Variants in CACNA1E observed in about 807,000 individuals in gnomAD.
The protein encoded by CACNA1E is voltage-dependent R-type calcium channel subunit alpha-1E.
In CACNA1E, 40 loss-of-function variants were observed where a neutral mutation model predicts 259.2. The observed-to-expected ratio is 0.15, with a 90% confidence interval of 0.12 to 0.20. CACNA1E has a LOEUF of 0.20. CACNA1E is among the 10% of genes least tolerant of loss of function. The pLI is 1.00. For missense variants in CACNA1E, 1,874 were observed against 3,040.1 expected, an observed-to-expected ratio of 0.62 and a Z score of 9.02; for synonymous variants, 1,104 against 1,138.5, an observed-to-expected ratio of 0.97 and a Z score of 0.61.
chr1:181,693,384 G>A (rs1651393032), intron 7 of CACNA1E, among the ~76,000 whole-genome samples: 2 of 151,970 alleles, frequency 1.3e-5, no homozygotes, highest in South Asian at 2.1e-4. Flanking sequence ...ATTTACAACA[G>A]CAAAGACATG....
chr1:181,729,657 CAT>C (rs1655282988), intron 18 of CACNA1E, among the ~76,000 whole-genome samples: 2 of 152,172 alleles, frequency 1.3e-5, no homozygotes, highest in South Asian at 4.1e-4. Context: ...AGGTCTCATT[CAT>C]ATGAGTTGGA....
At chr1:181,705,211 A>C (rs1652674602) in intron 7 of CACNA1E, among the ~76,000 whole-genome samples, 1 of 152,226 alleles carries the variant, frequency 6.6e-6, no homozygotes, top group African/African-American at 2.4e-5. Flanking sequence ...ATGATTTCAA[A>C]GAAGTCTCTG....
At chr1:181,585,021 T>A (rs2332357) in intron 6 of CACNA1E, among the ~76,000 whole-genome samples, 3 of 120,418 alleles carry the variant, frequency 2.5e-5, no homozygotes, top group African/African-American at 6.1e-5. Flanking sequence ...TCCCCCCCCC[T>A]GCCTCAAACA....
chr1:181,410,455 A>G (rs1433122970), intron 1 of CACNA1E, among the ~76,000 whole-genome samples: 2 of 152,196 alleles, frequency 1.3e-5, no homozygotes, highest in Non-Finnish European at 2.9e-5. Flanking sequence ...AGGGCAAGGA[A>G]GACCAGTCCA....
rs1655566347 is a variant in CACNA1E, at chr1:181,732,344, T to C, written c.2298-40T>C. 1 of 1,471,082 alleles carries C rather than the reference T, an allele frequency of 6.8e-7. No individual in the cohort carries two copies. Among genetic ancestry groups the C allele is most frequent in the Non-Finnish European group, 9.0e-7 (1 of 1,111,232 alleles). The allele number at this position is 1,471,082 out of a possible 1,614,324, so 91.1% of individuals were successfully genotyped here. On this transcript the variant is annotated intron_variant, in intron 19 of 47. Transcript: ENST00000367573. The surrounding 1 kb of genome is among the most constrained non-coding windows in gnomAD (Gnocchi z 5.5). Reference sequence around the variant, plus strand: ...GTGGCCACCCTCCCTGCCTGCAGCTTCTGGGCTCTGACCGCGGCCCTGCCC... The same window carrying C: ...GTGGCCACCCTCCCTGCCTGCAGCTCCTGGGCTCTGACCGCGGCCCTGCCC...
At chr1:181,601,445 C>T (rs1270893263) in intron 6 of CACNA1E, among the ~76,000 whole-genome samples, 1 of 152,158 alleles carries the variant, frequency 6.6e-6, no homozygotes, top group East Asian at 1.9e-4. Context: ...CTCTCTCCCA[C>T]CTGGTCCTCA....
chr1:181,517,795 T>G (rs1666703623), intron 3 of CACNA1E, among the ~76,000 whole-genome samples: 1 of 152,090 alleles, frequency 6.6e-6, no homozygotes, highest in African/African-American at 2.4e-5. Context: ...TTAGAGGGTT[T>G]TCTGTAAAGA....
At chr1:181,532,856 C>G (rs1278561600) in intron 3 of CACNA1E, among the ~76,000 whole-genome samples, 1 of 152,200 alleles carries the variant, frequency 6.6e-6, no homozygotes, top group Non-Finnish European at 1.5e-5. Context: ...TTGTCTATCT[C>G]CTTTACTGGA....
exon 2 of CACNA1E, chr1:181,413,138 T>A (rs1657988136): frequency 6.6e-6 from 1 of 151,792 alleles, no homozygotes; most frequent in African/African-American, 2.4e-5. Flanking sequence ...CACAGAGCAA[T>A]GTTCTGTGAT....
chr1:181,620,648 G>A (rs1655640400), intron 6 of CACNA1E, among the ~76,000 whole-genome samples: 1 of 152,194 alleles, frequency 6.6e-6, no homozygotes, highest in Admixed American at 6.5e-5. Context: ...TAGAAGACTT[G>A]GAGAGTTCCC....
intron 2 of CACNA1E, among the ~76,000 whole-genome samples, chr1:181,435,808 G>A (rs932300072): frequency 6.6e-6 from 1 of 152,158 alleles, no homozygotes; most frequent in Non-Finnish European, 1.5e-5. Flanking sequence ...TATTTCTGGA[G>A]TTGAGGTATA....
Position 181,798,687 on chromosome 1 carries a change from C to T in CACNA1E, c.6795C>T (p.Thr2265=). Residue 2265 remains threonine (T), a synonymous_variant, in exon 48 of 48, where the codon ACC becomes ACT. Coordinates refer to ENST00000367573, the MANE Select transcript of CACNA1E (RefSeq NM_001205293.3). This position sits in a 1 kb window ranked among gnomAD's most constrained non-coding sequence, Gnocchi z 4.2. ...AVATSLGRSN[T]IGSAPPLRHS... Reference sequence around the variant, plus strand: ...CTACTAGCCTGGGCCGTTCCAACACCATCGGCTCAGCCCCACCCCTGCGGC... The same window carrying T: ...CTACTAGCCTGGGCCGTTCCAACACTATCGGCTCAGCCCCACCCCTGCGGC... 1.2e-6 allele frequency: 2 copies of T among 1,609,374 alleles called. No individual in the cohort carries two copies. The highest frequency in any genetic ancestry group is 1.7e-6 in the Non-Finnish European group (2 of 1,177,008).
intron 25 of CACNA1E, among the ~76,000 whole-genome samples, chr1:181,741,793 G>A (rs898414870): frequency 3.9e-5 from 6 of 152,188 alleles, no homozygotes; most frequent in African/African-American, 1.4e-4. Flanking sequence ...GGCAGGGGAA[G>A]CCTTAACGGC....
intron 3 of CACNA1E, among the ~76,000 whole-genome samples, 183 bp from the exon 4 acceptor site, chr1:181,577,583 A>T (rs901343751): frequency 2.6e-5 from 4 of 152,192 alleles, no homozygotes; most frequent in Non-Finnish European, 5.9e-5. Context: ...TAAAACCCAG[A>T]TGGCTAAATT....
Position 181,796,821 on chromosome 1 carries a change from C to T in CACNA1E, c.6362C>T (p.Ser2121Leu). ...WESPERRQSR[S>L]PSEGRSQTPN... ...TCCCCAGAGCGCCGTCAATCCAGGT[C>T]ACCCAGTGAGGGCAGGTCACAGACG... Residue 2121 changes from serine (S) to leucine (L), a missense_variant, in exon 47 of 48, where the codon TCA (serine) becomes TTA (leucine). By Grantham distance (145) the Ser-to-Leu change is moderately radical (BLOSUM62 -2). This residue lies in a region of CACNA1E where 542 missense variants were observed against 587.2 expected (regional missense o/e 0.92). Coordinates refer to ENST00000367573, the MANE Select transcript of CACNA1E (RefSeq NM_001205293.3). 6.2e-7 allele frequency: 1 copy of T among 1,608,368 alleles called. No homozygotes were observed. Among genetic ancestry groups the T allele is most frequent in the Non-Finnish European group, 8.5e-7 (1 of 1,177,434 alleles).
At chr1:181,703,732 G>A (rs1652507010) in intron 7 of CACNA1E, among the ~76,000 whole-genome samples, 2 of 152,186 alleles carry the variant, frequency 1.3e-5, no homozygotes, top group Non-Finnish European at 2.9e-5. Flanking sequence ...CTCTAGGTCT[G>A]CCGCCACCGC....
intron 6 of CACNA1E, among the ~76,000 whole-genome samples, chr1:181,615,600 A>C (rs553715843): frequency 3.5e-4 from 53 of 152,334 alleles, no homozygotes; most frequent in African/African-American, 1.2e-3. Flanking sequence ...ATTTAGCCAT[A>C]TTCAGCTATC....
In CACNA1E at chr1:181,560,238, G is replaced by GT. The variant is rs201074270; in HGVS notation, c.513-17519dup. Reference sequence around the variant, plus strand: ...CAAACAACCTTGCTTTTTTTTTTAAGTTTTTTTTTGTGTGTGTGATTATAA... The same window carrying GT: ...CAAACAACCTTGCTTTTTTTTTTAAGTTTTTTTTTTGTGTGTGTGATTATAA... On this transcript the variant is annotated intron_variant, in intron 3 of 47. Transcript: ENST00000367573. Among the ~76,000 whole-genome samples the GT allele has an allele frequency of 5.8e-4, 86 of 147,692 alleles. 1 individual carries two copies. Among genetic ancestry groups the GT allele is most frequent in the Middle Eastern group, 3.6e-3 (1 of 278 alleles).
chr1:181,510,691 G>A (rs1459492714), intron 2 of CACNA1E, 109 bp downstream of exon 2: 1 of 730,266 alleles, frequency 1.4e-6, no homozygotes, highest in African/African-American at 1.7e-5. Context: ...TCTGGGAGGA[G>A]TTTGCTCTTT....
Sources: gnomAD v4.1 joint callset for allele counts (sites outside exome capture counted in the v4.1 genomes callset) on GRCh38, gnomAD v4.1.1 for gene constraint, gnomAD v4.1.1 regional missense constraint, Gnocchi (gnomAD v3.1) non-coding constraint, MANE v1.5 for transcripts, NCBI Gene and HGNC (gene_info 2026-07-23, HGNC 2026-07-21) for gene names.